The following MCM9 variants were observed in gnomAD, a reference collection of about 807,000 sequenced individuals.
The protein encoded by MCM9 is DNA helicase MCM9.
MCM9 carries 55 observed loss-of-function variants against 72.8 expected under a neutral mutation model. The observed-to-expected ratio is 0.76, with a 90% CI of 0.61 to 0.95. The LOEUF (loss-of-function observed/expected upper bound fraction) is 0.95. Among genes scored for constraint, MCM9 ranks in the 40% least tolerant of loss-of-function variants. The pLI, the probability that MCM9 is intolerant of heterozygous loss-of-function variation, is 0.00. For synonymous variants in MCM9, 480 were observed against 503.4 expected, an observed-to-expected ratio of 0.95 and a Z score of 0.62; for missense variants, 1,279 against 1,377.0, an observed-to-expected ratio of 0.93 and a Z score of 1.13.
chr6:118,926,300 C>T (rs959118947), intron 3 of MCM9, among the ~76,000 whole-genome samples: 4 of 152,152 alleles, frequency 2.6e-5, no homozygotes, highest in African/African-American at 9.7e-5. Flanking sequence ...CCTAGCCTAC[C>T]TTGAACATAC....
chr6:118,894,170 A>G, intron 8 of MCM9: 4 of 1,271,594 alleles, frequency 3.1e-6, no homozygotes, highest in East Asian at 6.7e-5. Flanking sequence ...GGTGCAGCCA[A>G]TCGAGGGCAA....
At chr6:118,915,755 T>C (rs532274270) in intron 6 of MCM9, among the ~76,000 whole-genome samples, 1 of 152,322 alleles carries the variant, frequency 6.6e-6, no homozygotes, top group African/African-American at 2.4e-5. Context: ...TGAGAATCCA[T>C]TCATACTAAC....
chr6:118,908,603 T>A (rs1288875561), intron 8 of MCM9: 1 of 152,160 alleles, frequency 6.6e-6, no homozygotes, highest in Non-Finnish European at 1.5e-5. Context: ...CTGACACTCA[T>A]GCAGAATGAG....
At chr6:118,916,492 T>C (rs1780974805) in intron 6 of MCM9, among the ~76,000 whole-genome samples, 1 of 149,916 alleles carries the variant, frequency 6.7e-6, no homozygotes, top group South Asian at 2.1e-4. Flanking sequence ...AGAGTCTCAC[T>C]CTGTCGCCCA....
chr6:118,852,573 G>A (rs574528612), intron 9 of MCM9, among the ~76,000 whole-genome samples: 140 of 152,282 alleles, frequency 9.2e-4, no homozygotes, highest in African/African-American at 3.3e-3. Context: ...CTGACCCCAA[G>A]CTTCAGCTGT....
At chr6:118,846,735 A>G (rs541889286) in intron 9 of MCM9, among the ~76,000 whole-genome samples, 18 of 151,948 alleles carry the variant, frequency 1.2e-4, no homozygotes, top group Non-Finnish European at 2.5e-4. Context: ...CTTATGGAAA[A>G]CACTATTAAG....
chr6:118,848,327 TGAG>T (rs762687927), intron 9 of MCM9, among the ~76,000 whole-genome samples: 1 of 151,708 alleles, frequency 6.6e-6, no homozygotes, highest in Non-Finnish European at 1.5e-5. Flanking sequence ...AGTTCCCAAG[TGAG>T]GAGAAATGAG....
At chr6:118,869,599 C>CAAAAAAAAAAAAAAAAAAAAAAAA in intron 8 of MCM9, among the ~76,000 whole-genome samples, 2 of 58,308 alleles carry the variant, frequency 3.4e-5, no homozygotes, top group East Asian at 6.0e-4. Flanking sequence ...AAAGGATTTA[C>CAAAAAAAAAAAAAAAAAAAAAAAA]AAAAAAAAAA....
At chr6:118,829,998 A>G (rs2114559678) in intron 9 of MCM9, among the ~76,000 whole-genome samples, 1 of 152,230 alleles carries the variant, frequency 6.6e-6, no homozygotes, top group South Asian at 2.1e-4. Flanking sequence ...TTGGACAGGA[A>G]AGGACTGTGG....
At chr6:118,904,696 T>C (rs1583615107) in intron 8 of MCM9, among the ~76,000 whole-genome samples, 2 of 152,376 alleles carry the variant, frequency 1.3e-5, no homozygotes, top group South Asian at 4.1e-4. Context: ...CCTAAAGCAA[T>C]CCTTACCTTC....
chr6:118,933,971 A>C lies in MCM9; in HGVS notation c.-150+920T>G, dbSNP rs928926686. ...CACAATGTGGACTTTGCCCAAAAAA[A>C]AAAAAAAAAAAATCTGGACTCCCAA... On this transcript the variant is annotated intron_variant, in intron 1 of 13. Transcript: ENST00000619706. 5.6e-4 allele frequency among the ~76,000 whole-genome samples: 85 copies of C among 151,764 alleles called. 2 individuals carry two copies. Among genetic ancestry groups the C allele is most frequent in the Middle Eastern group, 3.4e-3 (1 of 294 alleles).
chr6:118,822,978 C>T (rs1231549528), intron 13 of MCM9, among the ~76,000 whole-genome samples: 1 of 152,180 alleles, frequency 6.6e-6, no homozygotes, highest in Non-Finnish European at 1.5e-5. Context: ...GCTCGATCAT[C>T]CCAAGTCGAC....
intron 8 of MCM9, among the ~76,000 whole-genome samples, chr6:118,878,686 C>T (rs1484008404): frequency 4.0e-5 from 6 of 151,890 alleles, no homozygotes; most frequent in Non-Finnish European, 7.4e-5. Context: ...CCCAAGGCAA[C>T]TATTAATATC....
At chr6:118,848,213 C>A (rs770531476) in intron 9 of MCM9, among the ~76,000 whole-genome samples, 1 of 151,644 alleles carries the variant, frequency 6.6e-6, no homozygotes, top group Non-Finnish European at 1.5e-5. Context: ...ACAAATAATA[C>A]AACTATTTAT....
chr6:118,852,976 C>T (rs1776322145), intron 9 of MCM9, among the ~76,000 whole-genome samples: 1 of 152,172 alleles, frequency 6.6e-6, no homozygotes, highest in Non-Finnish European at 1.5e-5. Context: ...TGTGTATCAG[C>T]AGTTTGTTCC....
At chr6:118,918,790 A>G (rs1273325142) in intron 5 of MCM9, 1 of 152,206 alleles carries the variant, frequency 6.6e-6, no homozygotes, top group Non-Finnish European at 1.5e-5. Context: ...CAATTATATG[A>G]TATGTGCTGA....
chr6:118,867,879 C>CTTTTTTTTT lies in MCM9; in HGVS notation c.1151-11335_1151-11334insAAAAAAAAA, dbSNP rs1554258631. ...TTAATTATATTTCTTTTTTCTTTTT[C>CTTTTTTTTT]TTTTTCTTTTTTTTTGAGATGAAGT... On this transcript the variant is annotated intron_variant, in intron 8 of 13. Transcript: ENST00000619706. Among the ~76,000 whole-genome samples, 391 of 137,358 alleles carry CTTTTTTTTT rather than the reference C, an allele frequency of 2.8e-3. 27 individuals carry two copies. Among genetic ancestry groups the CTTTTTTTTT allele is most frequent in the Middle Eastern group, 4.1e-3 (1 of 244 alleles). 90.1% of individuals were successfully genotyped at this position (137,358 alleles called of 152,430 possible).
At chr6:118,829,337 G>C in intron 9 of MCM9, 87 bp from the exon 10 acceptor site, 7 of 1,266,834 alleles carry the variant, frequency 5.5e-6, no homozygotes, top group Non-Finnish European at 5.3e-6. Flanking sequence ...GGCTGCTCTT[G>C]CACCTTGAAA....
At chr6:118,820,003 C>A (rs1449485035) in intron 13 of MCM9, among the ~76,000 whole-genome samples, 1 of 151,316 alleles carries the variant, frequency 6.6e-6, no homozygotes, top group Non-Finnish European at 1.5e-5. Flanking sequence ...CTATTTGATT[C>A]TTCTCTCTTT....
Sources: gnomAD v4.1 joint callset for allele counts (sites outside exome capture counted in the v4.1 genomes callset) on GRCh38, gnomAD v4.1.1 for gene constraint, MANE v1.5 for transcripts, NCBI Gene and HGNC (gene_info 2026-07-23, HGNC 2026-07-21) for gene names.